The following PTPRA variants were observed in gnomAD, a reference collection of about 807,000 sequenced individuals.
PTPRA encodes protein tyrosine phosphatase receptor type A, also known as receptor-type tyrosine-protein phosphatase alpha.
PTPRA carries 25 observed loss-of-function variants against 104.8 expected under a neutral mutation model. That is an observed-to-expected ratio of 0.24 (90% CI 0.17 to 0.33). PTPRA has a LOEUF of 0.33. PTPRA is among the 10% of genes least tolerant of loss of function. The pLI is 1.00. For missense variants in PTPRA, 765 were observed against 1,015.3 expected (o/e 0.75, Z 3.35); for synonymous variants, 323 against 368.9 (o/e 0.88, Z 1.43).
chr20:3,035,582 CAGG>C lies in PTPRA; in HGVS notation c.1921_1923del (p.Glu641del), dbSNP rs759684240. ...TCCTCACCTCTCCAACCTGTCTCTCCAGGAGAAGTGTGCCCAGTACTGGCCATC... is the reference window on the plus strand; with the variant it reads ...TCCTCACCTCTCCAACCTGTCTCTCCAGAAGTGTGCCCAGTACTGGCCATC... On this transcript the variant is annotated splice_acceptor_variant and coding_sequence_variant, in exon 21 of 24. Coordinates refer to ENST00000399903, the MANE Select transcript of PTPRA (RefSeq NM_001385305.1). LOFTEE classifies it high-confidence loss of function. This position sits in a 1 kb window ranked among gnomAD's most constrained non-coding sequence, Gnocchi z 5.8. The C allele has an allele frequency of 1.2e-6, 2 of 1,610,322 alleles. No homozygotes were observed. Among genetic ancestry groups the C allele is most frequent in the Non-Finnish European group, 1.7e-6 (2 of 1,176,578 alleles).
chr20:2,875,388 A>C (rs1407725582), intron 1 of PTPRA, among the ~76,000 whole-genome samples: 1 of 152,074 alleles, frequency 6.6e-6, no homozygotes, highest in African/African-American at 2.4e-5. Context: ...GATACCGTGC[A>C]TTGTAAGGCA....
At chr20:2,959,193 C>T (rs934017595) in intron 3 of PTPRA, among the ~76,000 whole-genome samples, 22 of 152,108 alleles carry the variant, frequency 1.4e-4, no homozygotes, top group African/African-American at 4.1e-4. Context: ...CCCTAGTGTA[C>T]GCATACCAAT....
chr20:3,004,401 G>C (rs1271485822), intron 9 of PTPRA, among the ~76,000 whole-genome samples: 2 of 152,224 alleles, frequency 1.3e-5, no homozygotes, highest in Non-Finnish European at 2.9e-5. Context: ...TCTCATGTCA[G>C]ATCATTGTGT....
chr20:3,034,044 G>A (rs930150644), intron 20 of PTPRA, among the ~76,000 whole-genome samples: 5 of 152,134 alleles, frequency 3.3e-5, no homozygotes, highest in Non-Finnish European at 5.9e-5. Flanking sequence ...GCTGAGGCAG[G>A]TGGATCACCT....
rs1177012022 is a variant in PTPRA, at chr20:2,950,749, T to C, written c.-7+2725T>C. ...TTTTTATTATACAATAAAATGAAAT[T>C]CTTTTCATTGTATTTCTTTTCATTG... On this transcript the variant is annotated intron_variant, in intron 3 of 23. Coordinates refer to ENST00000399903, the MANE Select transcript of PTPRA (RefSeq NM_001385305.1). The surrounding 1 kb of genome is among the most constrained non-coding windows in gnomAD (Gnocchi z 4.0). Among the ~76,000 whole-genome samples, 1 of 152,216 alleles carries C rather than the reference T, an allele frequency of 6.6e-6. No homozygotes were observed. The highest frequency in any genetic ancestry group is 1.5e-5 in the Non-Finnish European group (1 of 68,028).
At chr20:2,916,789 A>G (rs953227560) in intron 1 of PTPRA, among the ~76,000 whole-genome samples, 1 of 152,180 alleles carries the variant, frequency 6.6e-6, no homozygotes, top group African/African-American at 2.4e-5. Flanking sequence ...ATTGATCTAT[A>G]TATCACTCCT....
intron 1 of PTPRA, among the ~76,000 whole-genome samples, chr20:2,889,113 T>C (rs897428845): frequency 6.6e-6 from 1 of 152,248 alleles, no homozygotes; most frequent in African/African-American, 2.4e-5. Flanking sequence ...AAAGGGCTTT[T>C]GTATACAGAA....
intron 3 of PTPRA, among the ~76,000 whole-genome samples, chr20:2,952,870 G>A (rs2061399942): frequency 6.6e-6 from 1 of 152,178 alleles, no homozygotes; most frequent in East Asian, 1.9e-4. Flanking sequence ...TTTCATCCAT[G>A]TGGTAGCATG....
rs1169768461 is a variant in PTPRA, at chr20:3,037,196, C to G, written c.2241C>G (p.Thr747=). 6.2e-7 allele frequency: 1 copy of G among 1,614,058 alleles called. No homozygotes were observed. The highest frequency in any genetic ancestry group is 1.7e-5 in the Admixed American group (1 of 60,002). Residue 747 remains threonine (T), a synonymous_variant, in exon 23 of 24, where the codon ACC becomes ACG. Transcript: ENST00000399903. The surrounding 1 kb of genome is among the most constrained non-coding windows in gnomAD (Gnocchi z 4.3). ...GRTGTFCALS[T]VLERVKAEGI... ...CGGGGACCTTCTGTGCCCTGAGCAC[C>G]GTCCTGGAGCGTGTGAAAGCAGAGG...
chr20:2,961,628 GA>G (rs2147907129), intron 3 of PTPRA, among the ~76,000 whole-genome samples: 1 of 152,234 alleles, frequency 6.6e-6, no homozygotes, highest in East Asian at 1.9e-4. Flanking sequence ...ATGAAGTCCA[GA>G]CTATCAATTA....
chr20:2,907,686 T>C lies in PTPRA; in HGVS notation c.-128-15521T>C, dbSNP rs541983492. Among the ~76,000 whole-genome samples the C allele has an allele frequency of 4.6e-5, 7 of 152,334 alleles. No individual in the cohort carries two copies. In the South Asian group the frequency reaches 1.2e-3, roughly 27 times the overall value. On this transcript the variant is annotated intron_variant, in intron 1 of 23. Transcript: ENST00000399903. The stretch of plus-strand genomic sequence containing the variant: ...GTAGTTGTTCAACACAGACTATTCA[T>C]AGAAGCTAATTCTTCAGTTGTTTTA...
rs2065762799 is a variant in PTPRA at position 3,035,684 on chromosome 20, C to T, written c.2020C>T (p.Arg674Ter). ...KEEECESYTV[R>*]DLLVTNTREN... ...GGAGGAATGTGAGAGCTACACCGTC[C>T]GAGACCTCCTGGTCACCAACACCAG... Residue 674 changes from arginine (R) to a stop codon, truncating the protein, a stop_gained, in exon 21 of 24, where the codon CGA (arginine) becomes TGA (stop). Coordinates refer to ENST00000399903, the MANE Select transcript of PTPRA (RefSeq NM_001385305.1). LOFTEE classifies it high-confidence loss of function. The surrounding 1 kb of genome is among the most constrained non-coding windows in gnomAD (Gnocchi z 5.8). 1 of 1,614,182 alleles carries T rather than the reference C, an allele frequency of 6.2e-7. No individual in the cohort carries two copies. Among genetic ancestry groups the T allele is most frequent in the Non-Finnish European group, 8.5e-7 (1 of 1,180,028 alleles).
chr20:2,992,118 T>C (rs1348645603), intron 9 of PTPRA, among the ~76,000 whole-genome samples: 1 of 152,238 alleles, frequency 6.6e-6, no homozygotes, highest in Non-Finnish European at 1.5e-5. Flanking sequence ...GAAGTATCTA[T>C]TGCGGCAGTG....
At chr20:2,893,679 T>C (rs1003962742) in intron 1 of PTPRA, among the ~76,000 whole-genome samples, 16 of 152,254 alleles carry the variant, frequency 1.1e-4, no homozygotes, top group African/African-American at 3.6e-4. Flanking sequence ...AAAATCTTCA[T>C]GTTACTTGGG....
intron 1 of PTPRA, among the ~76,000 whole-genome samples, chr20:2,908,379 CG>C (rs2059502685): frequency 6.6e-6 from 1 of 151,900 alleles, no homozygotes; most frequent in African/African-American, 2.4e-5. Flanking sequence ...TACAACCAAA[CG>C]TGGATCAAAA....
In PTPRA at chr20:2,949,934, G is replaced by T. The variant is rs1027687837; in HGVS notation, c.-7+1910G>T. Among the ~76,000 whole-genome samples the T allele has an allele frequency of 1.4e-4, 21 of 151,852 alleles. 1 individual carries two copies. Among genetic ancestry groups the T allele is most frequent in the Admixed American group, 1.4e-3 (21 of 15,238 alleles). On this transcript the variant is annotated intron_variant, in intron 3 of 23. Transcript: ENST00000399903. Reference sequence around the variant, plus strand: ...TGTATATCTTGGATAAACTCAACTGGATCATGATTTATCTTTTTTATATGC... The same window carrying T: ...TGTATATCTTGGATAAACTCAACTGTATCATGATTTATCTTTTTTATATGC...
chr20:2,871,581 A>G (rs182502317), upstream of PTPRA, among the ~76,000 whole-genome samples: 1 of 152,370 alleles, frequency 6.6e-6, no homozygotes, highest in East Asian at 1.9e-4. Context: ...ATAAGGCAAA[A>G]GTAAGCTGGT....
chr20:2,971,934 A>G (rs2062206927), intron 5 of PTPRA, among the ~76,000 whole-genome samples: 1 of 152,106 alleles, frequency 6.6e-6, no homozygotes, highest in Non-Finnish European at 1.5e-5. Context: ...TCGCGGGTTC[A>G]AGTGATTCCC....
chr20:2,946,459 A>G (rs1412760137), intron 2 of PTPRA, among the ~76,000 whole-genome samples: 3 of 152,216 alleles, frequency 2.0e-5, no homozygotes, highest in African/African-American at 4.8e-5. Flanking sequence ...GTAAGAGAGC[A>G]CATGAGGAGA....
Sources: gnomAD v4.1 joint callset for allele counts (sites outside exome capture counted in the v4.1 genomes callset) on GRCh38, gnomAD v4.1.1 for gene constraint, Gnocchi (gnomAD v3.1) non-coding constraint, MANE v1.5 for transcripts, NCBI Gene and HGNC (gene_info 2026-07-23, HGNC 2026-07-21) for gene names.